The following TCF12 variants were observed in gnomAD, a reference collection of about 807,000 sequenced individuals.
TCF12 encodes transcription factor 12.
Under a neutral mutation model 86.0 loss-of-function variants are expected in TCF12, and 45 were observed. The ratio of observed to expected loss-of-function variants is 0.52; its 90% CI spans 0.41 to 0.67. TCF12 has a LOEUF of 0.67. TCF12 is among the 30% of genes least tolerant of loss of function. TCF12 has a pLI of 0.00. For missense variants in TCF12, 881 were observed against 859.9 expected, an observed-to-expected ratio of 1.02 and a Z score of -0.31; for synonymous variants, 330 against 299.6, an observed-to-expected ratio of 1.10 and a Z score of -1.05.
At chr15:57,249,692 TAGCTTC>T (rs1423372812) in intron 13 of TCF12, among the ~76,000 whole-genome samples, 3 of 152,190 alleles carry the variant, frequency 2.0e-5, no homozygotes, top group African/African-American at 7.2e-5. Context: ...AGTGTCACAT[TAGCTTC>T]CTAAGTAAGG....
chr15:56,919,132 G>A (rs2059638616), intron 1 of TCF12: 1 of 151,608 alleles, frequency 6.6e-6, no homozygotes. Flanking sequence ...CGGCCTGTGC[G>A]CCCCGTTCGG....
intron 7 of TCF12, among the ~76,000 whole-genome samples, chr15:57,195,475 C>T (rs1331628129): frequency 6.6e-6 from 1 of 152,178 alleles, no homozygotes; most frequent in Non-Finnish European, 1.5e-5. Context: ...CAAGGGAATG[C>T]TGTATTAGTT....
At chr15:57,119,666 A>C (rs1479478583) in intron 5 of TCF12, among the ~76,000 whole-genome samples, 14 of 151,916 alleles carry the variant, frequency 9.2e-5, no homozygotes, top group Non-Finnish European at 1.8e-4. Flanking sequence ...GATACTGTAT[A>C]CTTTGGATTT....
At position 56,957,952 on chromosome 15, in the gene TCF12, T is replaced by C. The variant is rs1352593759; in HGVS notation, c.148+36854T>C. ...TTCTCCACTACTGAGGAAATGTGTTTTGTGTGCTCTTTCAGTGCCCCGGGA... is the reference window on the plus strand; with the variant it reads ...TTCTCCACTACTGAGGAAATGTGTTCTGTGTGCTCTTTCAGTGCCCCGGGA... On this transcript the variant is annotated intron_variant, in intron 3 of 20. Coordinates refer to ENST00000333725, the MANE Select transcript of TCF12 (RefSeq NM_207037.2). 2.0e-5 allele frequency among the ~76,000 whole-genome samples: 3 copies of C among 152,208 alleles called. No individual in the cohort carries two copies. The South Asian group carries it at 6.2e-4, about 32-fold the overall frequency.
At chr15:57,100,952 A>G (rs1465996330) in intron 5 of TCF12, among the ~76,000 whole-genome samples, 3 of 152,096 alleles carry the variant, frequency 2.0e-5, no homozygotes, top group Non-Finnish European at 2.9e-5. Flanking sequence ...AGGTTTTTTT[A>G]CTACATTGCT....
intron 8 of TCF12, among the ~76,000 whole-genome samples, chr15:57,210,265 C>T (rs187389973): frequency 4.0e-5 from 6 of 151,372 alleles, no homozygotes; most frequent in African/African-American, 1.5e-4. Context: ...AGCCATAGCT[C>T]TTCTTTCTAG....
At chr15:57,165,689 A>G (rs1336883318) in intron 5 of TCF12, among the ~76,000 whole-genome samples, 8 of 151,888 alleles carry the variant, frequency 5.3e-5, no homozygotes, top group Admixed American at 3.9e-4. Flanking sequence ...GGCGCATACC[A>G]CCATGCCTGG....
At chr15:57,109,673 A>G (rs1203333607) in intron 5 of TCF12, among the ~76,000 whole-genome samples, 1 of 152,158 alleles carries the variant, frequency 6.6e-6, no homozygotes, top group Non-Finnish European at 1.5e-5. Flanking sequence ...GTTGAGATGG[A>G]TACTATTGTA....
intron 12 of TCF12, 67 bp downstream of exon 12, chr15:57,234,174 G>A (rs558694071): frequency 8.4e-5 from 104 of 1,238,568 alleles, no homozygotes; most frequent in Non-Finnish European, 1.1e-4. Flanking sequence ...ATTAGATTTT[G>A]TAGGTGATAA....
intron 8 of TCF12, among the ~76,000 whole-genome samples, chr15:57,199,061 C>T (rs775053973): frequency 2.0e-5 from 3 of 152,150 alleles, no homozygotes; most frequent in Admixed American, 6.6e-5. Context: ...TGCTCTGAAC[C>T]TGCAGCCTAC....
At chr15:57,240,214 T>A (rs1374059972) in intron 12 of TCF12, among the ~76,000 whole-genome samples, 1 of 152,224 alleles carries the variant, frequency 6.6e-6, no homozygotes, top group African/African-American at 2.4e-5. Flanking sequence ...TTATCTGCAC[T>A]GTTGTGGAAT....
intron 4 of TCF12, among the ~76,000 whole-genome samples, chr15:57,087,985 T>G (rs2048756289): frequency 6.6e-6 from 1 of 152,074 alleles, no homozygotes; most frequent in African/African-American, 2.4e-5. Flanking sequence ...GTTTGACCCC[T>G]TTTATTAGCA....
intron 8 of TCF12, among the ~76,000 whole-genome samples, chr15:57,221,254 T>A (rs1325293502): frequency 6.6e-6 from 1 of 152,162 alleles, no homozygotes; most frequent in African/African-American, 2.4e-5. Context: ...TAGATTTAGA[T>A]GGATGAGTGA....
At chr15:57,243,604 T>A in intron 13 of TCF12, 54 bp downstream of exon 13, 1 of 1,393,998 alleles carries the variant, frequency 7.2e-7, no homozygotes, top group Non-Finnish European at 1.0e-6. Flanking sequence ...GAAATATTTC[T>A]AGTTCATTTA....
chr15:57,070,096 A>G (rs1361708420), intron 4 of TCF12, among the ~76,000 whole-genome samples: 5 of 152,152 alleles, frequency 3.3e-5, no homozygotes, highest in African/African-American at 1.2e-4. Context: ...TATACCTGTC[A>G]GTGGAAAGGG....
At chr15:57,199,663 C>T (rs1328333505) in intron 8 of TCF12, among the ~76,000 whole-genome samples, 1 of 152,096 alleles carries the variant, frequency 6.6e-6, no homozygotes, top group African/African-American at 2.4e-5. Context: ...TCTGTATTGT[C>T]TCAGGTATCT....
chr15:56,999,792 T>G (rs74941876), intron 3 of TCF12, among the ~76,000 whole-genome samples: 1 of 152,050 alleles, frequency 6.6e-6, no homozygotes, highest in African/African-American at 2.4e-5. Context: ...GAGAATCCCT[T>G]AAGTCTGGGA....
At chr15:56,951,060 T>C (rs1385249179) in intron 3 of TCF12, among the ~76,000 whole-genome samples, 1 of 152,132 alleles carries the variant, frequency 6.6e-6, no homozygotes, top group Non-Finnish European at 1.5e-5. Flanking sequence ...CCGGCCATTA[T>C]GACCATTCTT....
chr15:57,053,743 C>T (rs2067795519), intron 3 of TCF12, among the ~76,000 whole-genome samples: 1 of 152,076 alleles, frequency 6.6e-6, no homozygotes, highest in Non-Finnish European at 1.5e-5. Flanking sequence ...TGATCAGCCC[C>T]CAGTTGCCTG....
Sources: allele counts gnomAD v4.1 joint callset (sites outside exome capture counted in the v4.1 genomes callset), GRCh38; gene constraint gnomAD v4.1.1; transcripts MANE v1.5; gene names NCBI Gene and HGNC (gene_info 2026-07-23, HGNC 2026-07-21).